KCNJ16: variants seen among roughly 807,000 people sequenced by gnomAD.
KCNJ16 encodes potassium inwardly rectifying channel subfamily J member 16.
In KCNJ16, 15 loss-of-function variants were observed where a neutral mutation model predicts 18.5. The ratio of observed to expected loss-of-function variants is 0.81; its 90% CI spans 0.54 to 1.25. KCNJ16 has a LOEUF of 1.25. Among genes scored for constraint, KCNJ16 ranks in the 50% most tolerant of loss-of-function variants. The probability of loss-of-function intolerance (pLI) is 0.00; values close to 1 mark genes in which losing one functional copy is unlikely to be tolerated. For missense variants in KCNJ16, 523 were observed against 525.7 expected (o/e 0.99, Z 0.05); for synonymous variants, 174 against 186.5 (o/e 0.93, Z 0.55).
At chr17:70,127,366 A>T (rs1023853556) in intron 2 of KCNJ16, among the ~76,000 whole-genome samples, 4 of 152,096 alleles carry the variant, frequency 2.6e-5, no homozygotes, top group African/African-American at 9.7e-5. Flanking sequence ...TGGCCGAATG[A>T]AGAGCTCCAC....
At chr17:70,077,139 G>A (rs912790549) in intron 1 of KCNJ16, among the ~76,000 whole-genome samples, 17 of 152,210 alleles carry the variant, frequency 1.1e-4, no homozygotes, top group African/African-American at 3.6e-4. Flanking sequence ...CAGCAAAGAG[G>A]CCAGTGTGGC....
intron 2 of KCNJ16, among the ~76,000 whole-genome samples, chr17:70,119,359 GC>G (rs1313995694): frequency 2.0e-5 from 3 of 152,298 alleles, no homozygotes; most frequent in Admixed American, 2.0e-4. Flanking sequence ...ACTAGGCAGT[GC>G]CCCAGTGGGG....
At chr17:70,100,345 T>G (rs993928664) in intron 1 of KCNJ16, among the ~76,000 whole-genome samples, 1 of 152,212 alleles carries the variant, frequency 6.6e-6, no homozygotes, top group African/African-American at 2.4e-5. Context: ...AGAAGAATAG[T>G]GGTACAGCTT....
intron 1 of KCNJ16, among the ~76,000 whole-genome samples, chr17:70,097,291 G>C (rs2072423459): frequency 6.6e-6 from 1 of 152,138 alleles, no homozygotes; most frequent in African/African-American, 2.4e-5. Context: ...GAAGTTTCTA[G>C]CAAACATTTT....
rs561614003 is a variant in KCNJ16, at chr17:70,134,712, A to G, written c.*1368A>G. 1.2e-5 allele frequency: 2 copies of G among 167,116 alleles called. No homozygotes were observed. The highest frequency in any genetic ancestry group is 2.1e-4 in the South Asian group (1 of 4,834). The allele number at this position is 167,116 out of a possible 1,614,324, so 10.4% of individuals were successfully genotyped here. On this transcript the variant is annotated 3_prime_UTR_variant, in exon 4 of 4. Transcript: ENST00000392671. ...GTTTTACATTGTTGCTGCACTGGCAATAAGTATGTGGCACTGTTTTTATTT... is the reference window on the plus strand; with the variant it reads ...GTTTTACATTGTTGCTGCACTGGCAGTAAGTATGTGGCACTGTTTTTATTT...
intron 2 of KCNJ16, among the ~76,000 whole-genome samples, chr17:70,111,833 G>A (rs534815155): frequency 2.0e-5 from 3 of 152,184 alleles, no homozygotes; most frequent in Admixed American, 6.5e-5. Context: ...AGTAAGAAGT[G>A]CCTTTAGCCT....
At chr17:70,099,154 T>G (rs895541912) in intron 1 of KCNJ16, among the ~76,000 whole-genome samples, 1 of 152,218 alleles carries the variant, frequency 6.6e-6, no homozygotes, top group African/African-American at 2.4e-5. Context: ...CAGTATTGAT[T>G]GATGCCAGTT....
intron 2 of KCNJ16, among the ~76,000 whole-genome samples, chr17:70,129,113 C>G (rs1208189553): frequency 6.6e-6 from 1 of 152,160 alleles, no homozygotes; most frequent in Non-Finnish European, 1.5e-5. Context: ...CCCTCCACCC[C>G]GCAGCTTCCA....
intron 2 of KCNJ16, among the ~76,000 whole-genome samples, chr17:70,111,714 G>A (rs2073190959): frequency 6.6e-6 from 1 of 151,994 alleles, no homozygotes; most frequent in Non-Finnish European, 1.5e-5. Context: ...ATTGAATCAT[G>A]GGGTAGTTTC....
At chr17:70,126,164 T>A (rs142460012) in intron 2 of KCNJ16, among the ~76,000 whole-genome samples, 3 of 152,264 alleles carry the variant, frequency 2.0e-5, no homozygotes, top group East Asian at 1.9e-4. Context: ...CTGCAAGAAT[T>A]TATATTATTA....
intron 2 of KCNJ16, chr17:70,128,992 A>G (rs2073962397): frequency 6.6e-6 from 1 of 152,258 alleles, no homozygotes; most frequent in Admixed American, 6.5e-5. Flanking sequence ...TTCAGCGGGT[A>G]CGTGTCTTCC....
At chr17:70,116,779 C>T (rs991832310) in intron 2 of KCNJ16, among the ~76,000 whole-genome samples, 1 of 152,104 alleles carries the variant, frequency 6.6e-6, no homozygotes, top group Admixed American at 6.5e-5. Flanking sequence ...GTGAGAATAG[C>T]CATTATTAAT....
intron 2 of KCNJ16, among the ~76,000 whole-genome samples, chr17:70,122,612 T>C (rs760437121): frequency 2.6e-5 from 4 of 152,338 alleles, no homozygotes; most frequent in Non-Finnish European, 5.9e-5. Flanking sequence ...GTTTGGCTTA[T>C]AGCATCAAAT....
intron 2 of KCNJ16, among the ~76,000 whole-genome samples, chr17:70,120,845 T>C (rs950800813): frequency 1.3e-5 from 2 of 152,170 alleles, no homozygotes; most frequent in East Asian, 3.9e-4. Flanking sequence ...CCAAACTGTA[T>C]CACAGATTAA....
intron 2 of KCNJ16, among the ~76,000 whole-genome samples, chr17:70,115,355 G>A (rs2073360990): frequency 1.3e-5 from 2 of 152,018 alleles, no homozygotes; most frequent in South Asian, 2.1e-4. Flanking sequence ...AAATAGCTGG[G>A]GACAGCTATT....
intron 2 of KCNJ16, among the ~76,000 whole-genome samples, chr17:70,109,368 C>T (rs775337021): frequency 1.1e-4 from 16 of 152,134 alleles, no homozygotes; most frequent in Non-Finnish European, 1.8e-4. Flanking sequence ...AGAAGTGTTT[C>T]TCTCTGGCTG....
At chr17:70,109,678 C>T (rs1004585983) in intron 2 of KCNJ16, among the ~76,000 whole-genome samples, 8 of 152,118 alleles carry the variant, frequency 5.3e-5, no homozygotes, top group African/African-American at 1.4e-4. Context: ...TAGCTGGATG[C>T]GTCCCAAGAA....
intron 1 of KCNJ16, among the ~76,000 whole-genome samples, chr17:70,084,011 G>C (rs1385033909): frequency 6.6e-6 from 1 of 152,128 alleles, no homozygotes; most frequent in Non-Finnish European, 1.5e-5. Flanking sequence ...TGTAACACAG[G>C]AGCCATAGAA....
chr17:70,113,801 C>A (rs1273230541), intron 2 of KCNJ16, among the ~76,000 whole-genome samples: 2 of 152,008 alleles, frequency 1.3e-5, no homozygotes, highest in African/African-American at 4.8e-5. Flanking sequence ...ATAGCACTAT[C>A]ATGGAGATAA....
Sources: gnomAD v4.1 joint callset for allele counts (sites outside exome capture counted in the v4.1 genomes callset) on GRCh38, gnomAD v4.1.1 for gene constraint, MANE v1.5 for transcripts, NCBI Gene and HGNC (gene_info 2026-07-23, HGNC 2026-07-21) for gene names.